The following PKP4 variants were observed in gnomAD, a reference collection of about 807,000 sequenced individuals.
PKP4 encodes the protein plakophilin-4.
A neutral mutation model predicts 145.1 loss-of-function variants in PKP4; 90 were observed. The observed-to-expected ratio is 0.62, with a 90% CI of 0.52 to 0.74. The LOEUF (loss-of-function observed/expected upper bound fraction) is 0.74, where lower values mean the gene tolerates loss of function less well. Ranked by LOEUF, PKP4 falls within the 30% of genes least tolerant of loss-of-function variation. PKP4 has a pLI of 0.00. For synonymous variants in PKP4, 563 were observed against 577.2 expected (o/e 0.98, Z 0.35); for missense variants, 1,340 against 1,482.7 (o/e 0.90, Z 1.58).
chr2:158,680,772 A>T lies in PKP4; in HGVS notation c.*95A>T. 2 of 1,113,736 alleles carry T rather than the reference A, an allele frequency of 1.8e-6. No individual in the cohort carries two copies. Among genetic ancestry groups the T allele is most frequent in the Non-Finnish European group, 2.6e-6 (2 of 774,668 alleles). 69.0% of individuals were successfully genotyped at this position (1,113,736 alleles called of 1,614,324 possible). On this transcript the variant is annotated 3_prime_UTR_variant, in exon 22 of 22. Transcript: ENST00000389759. ...GCTGATTTGATGATTGAAATGTGAA[A>T]GTGAAGTGGAAGGAATGAATGAAGT...
chr2:158,479,202 A>G (rs971659000), intron 1 of PKP4, among the ~76,000 whole-genome samples: 8 of 151,938 alleles, frequency 5.3e-5, no homozygotes, highest in Non-Finnish European at 1.2e-4. Context: ...TTCAGCATTT[A>G]ATTTTTAAAT....
chr2:158,611,662 G>T (rs957921463), intron 4 of PKP4, among the ~76,000 whole-genome samples: 2 of 152,114 alleles, frequency 1.3e-5, no homozygotes, highest in Non-Finnish European at 2.9e-5. Flanking sequence ...AGATACAGTA[G>T]GAAGTGAGTG....
intron 11 of PKP4, among the ~76,000 whole-genome samples, chr2:158,648,572 C>T (rs1324498176): frequency 6.6e-6 from 1 of 152,170 alleles, no homozygotes; most frequent in Non-Finnish European, 1.5e-5. Flanking sequence ...TGCTCTGGTC[C>T]AGAGAGGAGT....
chr2:158,554,426 A>ATTT (rs769989250), intron 2 of PKP4, among the ~76,000 whole-genome samples: 5 of 45,666 alleles, frequency 1.1e-4, no homozygotes, highest in East Asian at 8.9e-4. Flanking sequence ...AATTATTATT[A>ATTT]TTATTTTTTT....
intron 12 of PKP4, chr2:158,661,130 C>T (rs1490187146): frequency 6.2e-6 from 3 of 485,300 alleles, no homozygotes; most frequent in Non-Finnish European, 1.1e-5. Context: ...TCCAAATGTG[C>T]AGGTTCCCTT....
rs897534636 is a variant in PKP4 at position 158,606,393 on chromosome 2, C to T, written c.280+3289C>T. Among the ~76,000 whole-genome samples the T allele has an allele frequency of 2.6e-5, 4 of 151,968 alleles. 1 individual carries two copies. The South Asian group carries it at 8.3e-4, about 32-fold the overall frequency. On this transcript the variant is annotated intron_variant, in intron 4 of 21. Transcript: ENST00000389759. ...TCTGATTTCTCCACGTCCTCTCAAA[C>T]ACGTTATTATCCTTTTTATTATAGC...
At chr2:158,473,993 TTA>T (rs1692032886) in intron 1 of PKP4, among the ~76,000 whole-genome samples, 1 of 152,194 alleles carries the variant, frequency 6.6e-6, no homozygotes, top group African/African-American at 2.4e-5. Context: ...ACTAAATGAA[TTA>T]TATTTATTAT....
At chr2:158,672,389 G>A (rs2057639286) in intron 17 of PKP4, among the ~76,000 whole-genome samples, 1 of 152,154 alleles carries the variant, frequency 6.6e-6, no homozygotes, top group Non-Finnish European at 1.5e-5. Context: ...GTCTGTTTTT[G>A]TCAAGGCATA....
chr2:158,566,374 A>C (rs1297437818), intron 2 of PKP4, among the ~76,000 whole-genome samples: 1 of 152,136 alleles, frequency 6.6e-6, no homozygotes, highest in Non-Finnish European at 1.5e-5. Context: ...CCATTTCAGC[A>C]AATAATGATT....
chr2:158,550,377 G>A (rs917234242), intron 2 of PKP4, among the ~76,000 whole-genome samples: 3 of 144,160 alleles, frequency 2.1e-5, no homozygotes, highest in African/African-American at 7.3e-5. Context: ...AAAATTTAAT[G>A]AGTTTTGACA....
chr2:158,634,498 T>A (rs1281239579), intron 9 of PKP4, among the ~76,000 whole-genome samples: 1 of 152,206 alleles, frequency 6.6e-6, no homozygotes, highest in Non-Finnish European at 1.5e-5. Context: ...TTTCCATCCT[T>A]TCATAATAAG....
In PKP4 at chr2:158,635,121, G is replaced by T. The variant is rs182416253; in HGVS notation, c.1562+832G>T. On this transcript the variant is annotated intron_variant, in intron 9 of 21. Transcript: ENST00000389759. ...TCGCCCACAAATAGTTGCTTCACTGGAAAATTGTTATAATTATCAATTCAT... is the reference window on the plus strand; with the variant it reads ...TCGCCCACAAATAGTTGCTTCACTGTAAAATTGTTATAATTATCAATTCAT... 1.6e-3 allele frequency among the ~76,000 whole-genome samples: 248 copies of T among 152,224 alleles called. 1 individual carries two copies. The highest frequency in any genetic ancestry group is 5.6e-3 in the African/African-American group (233 of 41,526).
chr2:158,617,953 T>G (rs1476414016), intron 4 of PKP4, among the ~76,000 whole-genome samples: 1 of 152,150 alleles, frequency 6.6e-6, no homozygotes, highest in Non-Finnish European at 1.5e-5. Context: ...GAGGCCAAGA[T>G]GGGCAGATCA....
At chr2:158,462,309 A>G (rs1348754421) in intron 1 of PKP4, among the ~76,000 whole-genome samples, 1 of 152,000 alleles carries the variant, frequency 6.6e-6, no homozygotes, top group Non-Finnish European at 1.5e-5. Flanking sequence ...TTTGGATTAT[A>G]TTGATCTAAG....
intron 21 of PKP4, 24 bp from the exon 22 acceptor site, chr2:158,680,404 AT>A (rs1375765281): frequency 6.4e-7 from 1 of 1,552,782 alleles, no homozygotes; most frequent in Non-Finnish European, 8.7e-7. Flanking sequence ...GCTTTTATTT[AT>A]TTGCCTTTTC....
chr2:158,642,532 A>G lies in PKP4; in HGVS notation c.1742A>G (p.His581Arg). 1 of 1,613,508 alleles carries G rather than the reference A, an allele frequency of 6.2e-7. No individual in the cohort carries two copies. Among genetic ancestry groups the G allele is most frequent in the Non-Finnish European group, 8.5e-7 (1 of 1,179,482 alleles). The change falls in exon 11 of 22, where the codon CAC becomes CGC. Residue 581 changes from histidine to arginine, a missense_variant. His to Arg is a conservative substitution (Grantham distance 29). Transcript: ENST00000389759. ...GIKHLVDLLD[H>R]RVLEVQKNAC... ...AAGCATCTGGTTGACCTTCTGGACC[A>G]CAGAGTTTTGGAAGTTCAGAAGAAT...
At chr2:158,544,292 T>G (rs1468219228) in intron 2 of PKP4, among the ~76,000 whole-genome samples, 1 of 152,144 alleles carries the variant, frequency 6.6e-6, no homozygotes, top group Non-Finnish European at 1.5e-5. Flanking sequence ...CTCATGAAAA[T>G]AAAGGTTCTT....
chr2:158,609,830 G>C (rs939673625), intron 4 of PKP4, among the ~76,000 whole-genome samples: 1 of 152,160 alleles, frequency 6.6e-6, no homozygotes, highest in African/African-American at 2.4e-5. Context: ...TTGCTTGTTT[G>C]TGTGTTTATT....
intron 2 of PKP4, among the ~76,000 whole-genome samples, chr2:158,569,639 A>C (rs1175384278): frequency 6.6e-6 from 1 of 152,190 alleles, no homozygotes; most frequent in African/African-American, 2.4e-5. Context: ...GCCTTCCCTA[A>C]ATACAACAAA....
Sources: gnomAD v4.1 joint callset for allele counts (sites outside exome capture counted in the v4.1 genomes callset) on GRCh38, gnomAD v4.1.1 for gene constraint, MANE v1.5 for transcripts, NCBI Gene and HGNC (gene_info 2026-07-23, HGNC 2026-07-21) for gene names.